EFCAB6: variants seen among roughly 807,000 people sequenced by gnomAD.
EFCAB6 encodes EF-hand calcium-binding domain-containing protein 6.
In EFCAB6, 156 loss-of-function variants were observed where a neutral mutation model predicts 169.8. The observed-to-expected ratio is 0.92, with a 90% CI of 0.81 to 1.05. The LOEUF (loss-of-function observed/expected upper bound fraction) is 1.05, where lower values mean the gene tolerates loss of function less well. Among genes scored for constraint, EFCAB6 ranks in the 50% least tolerant of loss-of-function variants. The pLI is 0.00. For missense variants in EFCAB6, 1,800 were observed against 1,829.1 expected, an observed-to-expected ratio of 0.98 and a Z score of 0.29; for synonymous variants, 698 against 676.4, an observed-to-expected ratio of 1.03 and a Z score of -0.50.
intron 23 of EFCAB6, among the ~76,000 whole-genome samples, chr22:43,595,180 T>G (rs1357520878): frequency 6.8e-6 from 1 of 147,852 alleles, no homozygotes; most frequent in African/African-American, 2.5e-5. Flanking sequence ...AAAAAAAGAA[T>G]GACTTTGCAT....
intron 8 of EFCAB6, among the ~76,000 whole-genome samples, chr22:43,731,196 G>A (rs1436140827): frequency 1.3e-5 from 2 of 152,116 alleles, no homozygotes; most frequent in Non-Finnish European, 2.9e-5. Flanking sequence ...AAGACTGTTC[G>A]CACGAGGAAA....
At chr22:43,603,474 T>C (rs539984060) in intron 22 of EFCAB6, among the ~76,000 whole-genome samples, 2 of 152,364 alleles carry the variant, frequency 1.3e-5, no homozygotes, top group Non-Finnish European at 2.9e-5. Context: ...CGGCCACTAA[T>C]TTATGACACA....
At chr22:43,805,723 A>C (rs2062893668) in intron 2 of EFCAB6, among the ~76,000 whole-genome samples, 1 of 152,238 alleles carries the variant, frequency 6.6e-6, no homozygotes, top group South Asian at 2.1e-4. Flanking sequence ...TCTAACATAA[A>C]GAAAAGACAA....
At chr22:43,561,192 A>G (rs1394538390) in intron 26 of EFCAB6, among the ~76,000 whole-genome samples, 2 of 151,998 alleles carry the variant, frequency 1.3e-5, no homozygotes, top group South Asian at 2.1e-4. Flanking sequence ...GTTCGTCTTT[A>G]CCAAAAATAC....
At chr22:43,708,457 A>G (rs1220582573) in intron 10 of EFCAB6, among the ~76,000 whole-genome samples, 6 of 152,118 alleles carry the variant, frequency 3.9e-5, no homozygotes, top group African/African-American at 7.2e-5. Context: ...AGAAAAAAAG[A>G]AGAGCAGAAG....
chr22:43,756,561 G>A (rs935801380), intron 5 of EFCAB6, among the ~76,000 whole-genome samples: 5 of 152,138 alleles, frequency 3.3e-5, no homozygotes, highest in South Asian at 2.1e-4. Flanking sequence ...CAGAGCTGGC[G>A]CCCCTCCACT....
At chr22:43,716,169 G>T (rs1040039641) in intron 9 of EFCAB6, among the ~76,000 whole-genome samples, 1 of 152,164 alleles carries the variant, frequency 6.6e-6, no homozygotes, top group African/African-American at 2.4e-5. Flanking sequence ...AATTGTTGAT[G>T]AAGATAGAAT....
Position 43,532,118 on chromosome 22 carries a change from G to C in EFCAB6, c.4234-1154C>G, listed in dbSNP as rs565734601. 2.6e-5 allele frequency: 4 copies of C among 152,258 alleles called. No homozygotes were observed. The South Asian group carries it at 6.2e-4, about 24-fold the overall frequency. The allele number at this position is 152,258 out of a possible 1,614,324, so 9.4% of individuals were successfully genotyped here. A position where few individuals can be genotyped will look rare whatever the true frequency, so the allele number is the denominator to read the frequency against. ...AAAGCCTTCAATCTCAATCCACTCC[G>C]GTCTGGTGCAGGGATTTGAGGAGTG... On this transcript the variant is annotated intron_variant, in intron 30 of 31. Coordinates refer to ENST00000262726, the MANE Select transcript of EFCAB6 (RefSeq NM_022785.4).
chr22:43,641,387 G>A (rs905075266), intron 17 of EFCAB6, among the ~76,000 whole-genome samples: 8 of 152,054 alleles, frequency 5.3e-5, no homozygotes, highest in East Asian at 3.9e-4. Flanking sequence ...AGGCTGAGGC[G>A]GGTGGATTGC....
At chr22:43,620,015 C>G (rs886134143) in intron 20 of EFCAB6, among the ~76,000 whole-genome samples, 1 of 152,122 alleles carries the variant, frequency 6.6e-6, no homozygotes, top group African/African-American at 2.4e-5. Context: ...TCAAAAAAAT[C>G]ATCTCTAAAG....
chr22:43,753,245 G>A (rs1366048649), intron 6 of EFCAB6, among the ~76,000 whole-genome samples: 6 of 152,212 alleles, frequency 3.9e-5, no homozygotes, highest in Non-Finnish European at 5.9e-5. Flanking sequence ...CAGTCCAGGA[G>A]ATGCTCAGGC....
chr22:43,681,628 A>G (rs2058009977), intron 12 of EFCAB6, among the ~76,000 whole-genome samples: 1 of 152,238 alleles, frequency 6.6e-6, no homozygotes. Flanking sequence ...GTTATTAGAA[A>G]TAATATTTTA....
chr22:43,542,743 C>T (rs1194763312), intron 27 of EFCAB6, among the ~76,000 whole-genome samples: 3 of 151,966 alleles, frequency 2.0e-5, no homozygotes, highest in Non-Finnish European at 4.4e-5. Flanking sequence ...ATGGAGGCAC[C>T]TAGAACACCA....
intron 23 of EFCAB6, among the ~76,000 whole-genome samples, chr22:43,596,106 A>G (rs1178998155): frequency 1.3e-5 from 2 of 152,182 alleles, no homozygotes; most frequent in South Asian, 2.1e-4. Context: ...TCAACACAAT[A>G]TAGGCCATAT....
At chr22:43,745,492 A>G (rs1190968117) in intron 6 of EFCAB6, among the ~76,000 whole-genome samples, 1 of 152,108 alleles carries the variant, frequency 6.6e-6, no homozygotes, top group East Asian at 1.9e-4. Context: ...CTGGCTTCTA[A>G]GAGAAGGGGG....
At chr22:43,555,763 T>G (rs1417497010) in intron 26 of EFCAB6, among the ~76,000 whole-genome samples, 4 of 151,862 alleles carry the variant, frequency 2.6e-5, no homozygotes, top group African/African-American at 9.7e-5. Flanking sequence ...GGGGTTGGAG[T>G]GTGGTTCAGG....
At chr22:43,688,608 T>G (rs915134526) in intron 10 of EFCAB6, among the ~76,000 whole-genome samples, 2 of 152,190 alleles carry the variant, frequency 1.3e-5, no homozygotes, top group Non-Finnish European at 2.9e-5. Flanking sequence ...CTATGCTGAT[T>G]CTGTATTCCT....
At chr22:43,630,148 A>G (rs112115415) in intron 19 of EFCAB6, among the ~76,000 whole-genome samples, 2,824 of 152,212 alleles carry the variant, frequency 0.019, 93 homozygotes, top group African/African-American at 0.065. Context: ...AAAAAATTCA[A>G]AAAAAGTGAC....
At chr22:43,620,490 T>A (rs1018841758) in intron 20 of EFCAB6, among the ~76,000 whole-genome samples, 2 of 152,058 alleles carry the variant, frequency 1.3e-5, no homozygotes, top group African/African-American at 4.8e-5. Context: ...AAACTCTATA[T>A]CCAGCAAAAA....
Sources: gnomAD v4.1 joint callset for allele counts (sites outside exome capture counted in the v4.1 genomes callset) on GRCh38, gnomAD v4.1.1 for gene constraint, MANE v1.5 for transcripts, NCBI Gene and HGNC (gene_info 2026-07-23, HGNC 2026-07-21) for gene names.